The following KLF8 variants were observed in gnomAD, a reference collection of about 807,000 sequenced individuals.
The protein encoded by KLF8 is Krueppel-like factor 8.
In KLF8, 10 loss-of-function variants were observed where a neutral mutation model predicts 18.2. The observed-to-expected ratio is 0.55, with a 90% confidence interval of 0.34 to 0.93. The LOEUF (loss-of-function observed/expected upper bound fraction) is 0.93. Among genes scored for constraint, KLF8 ranks in the 40% least tolerant of loss-of-function variants. The pLI is 0.02. For missense variants in KLF8, 264 were observed against 277.9 expected (o/e 0.95, Z 0.36); for synonymous variants, 109 against 97.3 (o/e 1.12, Z -0.71).
the KLF8 span, among the ~76,000 whole-genome samples, chrX:56,051,908 A>G: frequency 9.1e-6 from 1 of 109,756 alleles, no homozygotes; most frequent in African/African-American, 3.5e-5. Flanking sequence ...AGGTACACCA[A>G]TCAGATGTAG....
chrX:55,936,935 T>C, the KLF8 span, among the ~76,000 whole-genome samples: 2 of 112,129 alleles, frequency 1.8e-5, no homozygotes, highest in Non-Finnish European at 3.8e-5. Flanking sequence ...CTCTGTAAGC[T>C]CCACCTCTGG....
At chrX:56,190,568 A>G in the KLF8 span, among the ~76,000 whole-genome samples, 1 of 111,716 alleles carries the variant, frequency 9.0e-6, no homozygotes, top group Non-Finnish European at 1.9e-5. Flanking sequence ...AAGAAACATC[A>G]TATTTTAGGT....
the KLF8 span, among the ~76,000 whole-genome samples, chrX:55,991,102 G>A: frequency 1.8e-5 from 2 of 112,260 alleles, no homozygotes; most frequent in Non-Finnish European, 3.8e-5. Context: ...CCAGAGCTGG[G>A]TTCTACAGAG....
Position 56,241,980 on chromosome X carries a change from C to T in KLF8, c.8-8251C>T, listed in dbSNP as rs776386984. ...AATGAGGAGTTATTTCCACTTTCTA[C>T]ATAAAGTGACGAGACTTGCTCAAGG... On this transcript the variant is annotated intron_variant, in intron 1 of 5. Coordinates refer to ENST00000468660, the MANE Select transcript of KLF8 (RefSeq NM_007250.5). Among the ~76,000 whole-genome samples the T allele has an allele frequency of 6.2e-5, 7 of 112,228 alleles. No individual in the cohort carries two copies. The South Asian group carries it at 2.6e-3, about 41-fold the overall frequency.
chrX:56,265,807 A>G, intron 3 of KLF8, 63 bp downstream of exon 3: 1 of 1,131,952 alleles, frequency 8.8e-7, no homozygotes, highest in East Asian at 3.1e-5. Flanking sequence ...GAGTCATCCT[A>G]TCTCCTGTCT....
chrX:56,204,340 C>A, the KLF8 span, among the ~76,000 whole-genome samples: 3 of 111,479 alleles, frequency 2.7e-5, no homozygotes, highest in African/African-American at 9.8e-5. Context: ...TAGGCTTTTG[C>A]AAATATATGA....
the KLF8 span, among the ~76,000 whole-genome samples, chrX:56,172,154 C>T: frequency 1.8e-5 from 2 of 109,530 alleles, no homozygotes; most frequent in African/African-American, 3.3e-5. Flanking sequence ...AGGTGTACAA[C>T]ATGCAGGTTA....
chrX:56,148,198 C>A, the KLF8 span, among the ~76,000 whole-genome samples: 1 of 111,672 alleles, frequency 9.0e-6, no homozygotes, highest in Non-Finnish European at 1.9e-5. Flanking sequence ...GTTCCTTGAG[C>A]AGGAATTCAA....
At chrX:55,919,102 C>T in the KLF8 span, among the ~76,000 whole-genome samples, 1 of 111,985 alleles carries the variant, frequency 8.9e-6, no homozygotes, top group Non-Finnish European at 1.9e-5. Flanking sequence ...CAAAACTCAT[C>T]TTCTACTTCA....
the KLF8 span, among the ~76,000 whole-genome samples, chrX:56,187,694 C>T: frequency 9.0e-6 from 1 of 110,698 alleles, no homozygotes; most frequent in African/African-American, 3.3e-5. Flanking sequence ...TGGGCTTCAT[C>T]CCTGGGATGC....
At chrX:55,976,916 C>T in the KLF8 span, among the ~76,000 whole-genome samples, 5 of 111,744 alleles carry the variant, frequency 4.5e-5, no homozygotes, top group African/African-American at 1.6e-4. Flanking sequence ...ATGTCTCTTT[C>T]AGAATTTGTT....
chrX:56,073,610 A>T, the KLF8 span, among the ~76,000 whole-genome samples: 1 of 111,769 alleles, frequency 8.9e-6, no homozygotes, highest in African/African-American at 3.3e-5. Flanking sequence ...ATTAACACAT[A>T]TATAGACAAG....
chrX:56,009,234 G>T, the KLF8 span, among the ~76,000 whole-genome samples: 57,819 of 109,431 alleles, frequency 0.53, 13,661 homozygotes, highest in East Asian at 0.75. Context: ...GCTCCCAGAG[G>T]AAGGAGCAGG....
the KLF8 span, among the ~76,000 whole-genome samples, chrX:56,190,156 G>T: frequency 2.7e-5 from 3 of 111,181 alleles, no homozygotes; most frequent in African/African-American, 9.8e-5. Context: ...CATGCCATTG[G>T]AAACATAAAT....
chrX:55,909,063 C>T, the KLF8 span, among the ~76,000 whole-genome samples: 1 of 111,372 alleles, frequency 9.0e-6, no homozygotes, highest in Non-Finnish European at 1.9e-5. Flanking sequence ...TCGACTTCCT[C>T]CCTCCTGGCA....
the KLF8 span, among the ~76,000 whole-genome samples, chrX:55,957,210 A>T: frequency 0.013 from 1,425 of 111,294 alleles, 20 homozygotes; most frequent in African/African-American, 0.044. Context: ...TATATGTAAC[A>T]GTTTATTTCT....
chrX:56,104,889 T>C, the KLF8 span, among the ~76,000 whole-genome samples: 1 of 112,110 alleles, frequency 8.9e-6, no homozygotes, highest in African/African-American at 3.2e-5. Flanking sequence ...GCTTTAAATG[T>C]GTCCCAGAGA....
upstream of KLF8, among the ~76,000 whole-genome samples, chrX:56,231,641 C>A (rs1254036690): frequency 9.0e-6 from 1 of 111,455 alleles, no homozygotes; most frequent in Non-Finnish European, 1.9e-5. Context: ...ACTTCCTGGC[C>A]TCCCATTAAA....
In KLF8 at chrX:56,233,046, G is replaced by A; in HGVS notation, c.-289G>A. 2.7e-6 allele frequency: 1 copy of A among 364,538 alleles called. No individual in the cohort carries two copies. Among genetic ancestry groups the A allele is most frequent in the Non-Finnish European group, 4.8e-6 (1 of 206,210 alleles). The allele number at this position is 364,538 out of a possible 1,213,427, so 30.0% of individuals were successfully genotyped here. ...TCTTTTTAGGAAGTCTACTCTGCCG[G>A]CCCCTGATTTTTGGGTTGGATGCTT... On this transcript the variant is annotated 5_prime_UTR_variant, in exon 1 of 6. Transcript: ENST00000468660.
Sources: allele counts gnomAD v4.1 joint callset (sites outside exome capture counted in the v4.1 genomes callset), GRCh38; gene constraint gnomAD v4.1.1; transcripts MANE v1.5; gene names NCBI Gene and HGNC (gene_info 2026-07-23, HGNC 2026-07-21).